Variants in GHRH observed in about 807,000 individuals in gnomAD.
GHRH encodes somatoliberin.
A neutral mutation model predicts 15.6 loss-of-function variants in GHRH; 7 were observed. The observed-to-expected ratio is 0.45, with a 90% CI of 0.26 to 0.84. The LOEUF is 0.84. GHRH is among the 40% of genes least tolerant of loss of function. The probability of loss-of-function intolerance (pLI) is 0.18; values close to 1 mark genes in which losing one functional copy is unlikely to be tolerated. For synonymous variants in GHRH, 54 were observed against 50.4 expected (o/e 1.07, Z -0.30); for missense variants, 117 against 138.0 (o/e 0.85, Z 0.76).
At chr20:37,252,029 G>A (rs1049070936) in intron 4 of GHRH, among the ~76,000 whole-genome samples, 3 of 152,182 alleles carry the variant, frequency 2.0e-5, no homozygotes, top group African/African-American at 7.2e-5. Flanking sequence ...CCTCCATGGA[G>A]CCATCCACCC....
chr20:37,260,574 G>A (rs2068682668), intron 1 of GHRH, among the ~76,000 whole-genome samples: 1 of 152,072 alleles, frequency 6.6e-6, no homozygotes, highest in South Asian at 2.1e-4. Flanking sequence ...GTCAGAGCAA[G>A]ACCCCATCTC....
chr20:37,252,565 G>A (rs200745354), intron 4 of GHRH, among the ~76,000 whole-genome samples: 53 of 149,760 alleles, frequency 3.5e-4, no homozygotes, highest in Admixed American at 2.2e-3. Flanking sequence ...TCAGGAGTTC[G>A]AGACAAGCTT....
Position 37,256,807 on chromosome 20 carries a change from C to T in GHRH, c.83G>A (p.Arg28Lys). Reference protein sequence around the residue: ...HCSPPPPLTLRMRRYADAIFT... With the variant: ...HCSPPPPLTLKMRRYADAIFT... ...GGAACTTTCCCCAGGGTCTGCTTAC[C>T]TGAGGGTCAAAGGGGGAGGTGGGGA... The change falls in exon 2 of 5, where the codon AGG becomes AAG. Residue 28 changes from arginine (R) to lysine (K), a missense_variant and splice_region_variant. By Grantham distance (26) the Arg-to-Lys change is conservative. Coordinates refer to ENST00000373614, the MANE Select transcript of GHRH (RefSeq NM_021081.6). 1 of 1,610,910 alleles carries T rather than the reference C, an allele frequency of 6.2e-7. No homozygotes were observed. The highest frequency in any genetic ancestry group is 1.1e-5 in the South Asian group (1 of 90,558).
intron 4 of GHRH, among the ~76,000 whole-genome samples, chr20:37,251,964 G>C (rs944829303): frequency 6.6e-6 from 1 of 152,196 alleles, no homozygotes; most frequent in African/African-American, 2.4e-5. Context: ...TTCAATCTCC[G>C]TGAAGCCTCT....
intron 1 of GHRH, among the ~76,000 whole-genome samples, chr20:37,260,106 G>A (rs1298211018): frequency 6.6e-6 from 1 of 152,114 alleles, no homozygotes; most frequent in Non-Finnish European, 1.5e-5. Flanking sequence ...ACTTTGGTGG[G>A]GAGGGCAAGT....
At chr20:37,256,588 C>T in intron 2 of GHRH, 90 bp from the exon 3 acceptor site, 1 of 841,000 alleles carries the variant, frequency 1.2e-6, no homozygotes, top group Non-Finnish European at 1.9e-6. Context: ...CTGCAAGATC[C>T]TTCTGTTGCC....
intron 1 of GHRH, among the ~76,000 whole-genome samples, chr20:37,257,199 C>T (rs1260575255): frequency 2.0e-5 from 3 of 152,162 alleles, no homozygotes; most frequent in Non-Finnish European, 4.4e-5. Context: ...AGGGAAATTT[C>T]CCCTTGCCAT....
chr20:37,252,339 T>A (rs2068626094), intron 4 of GHRH, among the ~76,000 whole-genome samples: 1 of 152,134 alleles, frequency 6.6e-6, no homozygotes, highest in South Asian at 2.1e-4. Flanking sequence ...ATCTCTGGGC[T>A]GGTGGTGTCT....
Position 37,251,237 on chromosome 20 carries a change from G to A in GHRH, c.309-6C>T. On this transcript the variant is annotated splice_region_variant and splice_polypyrimidine_tract_variant and intron_variant, in intron 4 of 4. Transcript: ENST00000373614. ...TTCATCCCTGGGAGTTCCTGCTGCAGAAAGAAAGATCAAGCTCAATCCGGG... is the reference window on the plus strand; with the variant it reads ...TTCATCCCTGGGAGTTCCTGCTGCAAAAAGAAAGATCAAGCTCAATCCGGG... 2 of 1,601,970 alleles carry A rather than the reference G, an allele frequency of 1.2e-6. No individual in the cohort carries two copies. Among genetic ancestry groups the A allele is most frequent in the South Asian group, 1.1e-5 (1 of 88,670 alleles).
Position 37,258,197 on chromosome 20 carries a change from C to T in GHRH, c.-19-1289G>A, listed in dbSNP as rs960544776. On this transcript the variant is annotated intron_variant, in intron 1 of 4. Coordinates refer to ENST00000373614, the MANE Select transcript of GHRH (RefSeq NM_021081.6). This position sits in a 1 kb window ranked among gnomAD's most constrained non-coding sequence, Gnocchi z 4.1. ...CCAAGCATGGAAACACGGCTGGCCT[C>T]GGGGGACTTGGCCACCTAGGAATTG... is the stretch of plus-strand genomic sequence containing the variant. Among the ~76,000 whole-genome samples, 1 of 152,220 alleles carries T rather than the reference C, an allele frequency of 6.6e-6. No homozygotes were observed. Among genetic ancestry groups the T allele is most frequent in the Non-Finnish European group, 1.5e-5 (1 of 68,036 alleles).
chr20:37,253,581 A>T (rs1353070011), intron 4 of GHRH, among the ~76,000 whole-genome samples: 2 of 152,126 alleles, frequency 1.3e-5, no homozygotes, highest in African/African-American at 4.8e-5. Context: ...ACCCTTCATG[A>T]CTAAAGAACT....
At chr20:37,255,431 C>T (rs1483849329) in intron 3 of GHRH, among the ~76,000 whole-genome samples, 3 of 151,734 alleles carry the variant, frequency 2.0e-5, no homozygotes, top group African/African-American at 7.3e-5. Flanking sequence ...GAGGCCGAGG[C>T]GGGCAGATCA....
chr20:37,252,957 T>TG (rs541572818), intron 4 of GHRH, among the ~76,000 whole-genome samples: 116 of 152,318 alleles, frequency 7.6e-4, no homozygotes, highest in African/African-American at 2.5e-3. Flanking sequence ...ACTTGAACCC[T>TG]GGAGGCAGAG....
At chr20:37,254,417 G>A (rs1260857535) in intron 3 of GHRH, 88 bp from the exon 4 acceptor site, 1 of 1,354,010 alleles carries the variant, frequency 7.4e-7, no homozygotes, top group African/African-American at 1.4e-5. Flanking sequence ...TCAATATCTG[G>A]TGTGGACTCT....
chr20:37,254,026 C>T (rs1251330608), intron 4 of GHRH, among the ~76,000 whole-genome samples, 184 bp downstream of exon 4: 1 of 152,230 alleles, frequency 6.6e-6, no homozygotes, highest in African/African-American at 2.4e-5. Context: ...GTTGGGATTA[C>T]AGGTGAGCCA....
At chr20:37,253,102 A>G (rs2068631867) in intron 4 of GHRH, among the ~76,000 whole-genome samples, 1 of 152,164 alleles carries the variant, frequency 6.6e-6, no homozygotes, top group Admixed American at 6.5e-5. Flanking sequence ...TTTTTGGGAA[A>G]CTTTGCCCAT....
chr20:37,256,378 T>C lies in GHRH; in HGVS notation c.188+16A>G. 6.4e-7 allele frequency: 1 copy of C among 1,566,148 alleles called. No individual in the cohort carries two copies. The highest frequency in any genetic ancestry group is 8.8e-7 in the Non-Finnish European group (1 of 1,140,874). ...GCTGCAGGGTGTGGGAAGAAATCAC[T>C]AGAACTCCTGCTTACCCCTGCTGCC... On this transcript the variant is annotated intron_variant, in intron 3 of 4. Transcript: ENST00000373614.
intron 4 of GHRH, among the ~76,000 whole-genome samples, chr20:37,251,510 C>G (rs2068621049): frequency 6.6e-6 from 1 of 152,040 alleles, no homozygotes; most frequent in Admixed American, 6.6e-5. Flanking sequence ...ACAGGCTCAG[C>G]GTTCTCCCAG....
At chr20:37,253,355 T>C (rs2068633907) in intron 4 of GHRH, among the ~76,000 whole-genome samples, 1 of 152,212 alleles carries the variant, frequency 6.6e-6, no homozygotes, top group African/African-American at 2.4e-5. Context: ...TGTCTTTGGC[T>C]TGATAGTTTT....
Sources: allele counts gnomAD v4.1 joint callset (sites outside exome capture counted in the v4.1 genomes callset), GRCh38; gene constraint gnomAD v4.1.1; non-coding constraint Gnocchi (gnomAD v3.1); transcripts MANE v1.5; gene names NCBI Gene and HGNC (gene_info 2026-07-23, HGNC 2026-07-21).